The following TEX36 variants were observed in gnomAD, a reference collection of about 807,000 sequenced individuals.
TEX36 encodes the protein testis-expressed protein 36.
In TEX36, 12 loss-of-function variants were observed where a neutral mutation model predicts 13.6. The observed-to-expected ratio is 0.88, with a 90% confidence interval of 0.56 to 1.43. The LOEUF (loss-of-function observed/expected upper bound fraction) is 1.43. Ranked by LOEUF, TEX36 falls within the 40% of genes most tolerant of loss-of-function variation. TEX36 has a pLI of 0.00. For synonymous variants in TEX36, 93 were observed against 83.0 expected, an observed-to-expected ratio of 1.12 and a Z score of -0.65; for missense variants, 224 against 228.3, an observed-to-expected ratio of 0.98 and a Z score of 0.12.
chr10:125,667,657 G>A (rs932782346), intron 1 of TEX36: 3 of 718,418 alleles, frequency 4.2e-6, no homozygotes, highest in East Asian at 2.5e-5. Context: ...CCTTGGACAT[G>A]ACAACTTGGG....
At chr10:125,650,954 T>C (rs191437120), downstream of TEX36, among the ~76,000 whole-genome samples, 1 of 152,184 alleles carries the variant, frequency 6.6e-6, no homozygotes, top group African/African-American at 2.4e-5. Flanking sequence ...CAAGAAGAAG[T>C]TGAATCCCTG....
At chr10:125,606,915 G>A (rs551123315) in intron 3 of TEX36, among the ~76,000 whole-genome samples, 2 of 152,290 alleles carry the variant, frequency 1.3e-5, no homozygotes, top group East Asian at 3.9e-4. Flanking sequence ...TGCAAGGATA[G>A]TATCACATTT....
chr10:125,625,140 G>T (rs1364745283), intron 3 of TEX36, among the ~76,000 whole-genome samples: 1 of 152,182 alleles, frequency 6.6e-6, no homozygotes, highest in Non-Finnish European at 1.5e-5. Context: ...CCATCACTCA[G>T]CTTTTCTCAG....
chr10:125,602,240 C>T (rs1846158335), intron 3 of TEX36, among the ~76,000 whole-genome samples: 1 of 152,166 alleles, frequency 6.6e-6, no homozygotes. Context: ...GGCCTAGCAC[C>T]CATCTCCTGG....
chr10:125,682,922 G>A lies in TEX36; in HGVS notation c.51+17C>T. 6.4e-7 allele frequency: 1 copy of A among 1,551,728 alleles called. No individual in the cohort carries two copies. Among genetic ancestry groups the A allele is most frequent in the Non-Finnish European group, 8.7e-7 (1 of 1,146,992 alleles). On this transcript the variant is annotated intron_variant, in intron 1 of 3. Coordinates refer to ENST00000368821, the MANE Select transcript of TEX36 (RefSeq NM_001128202.3). Reference sequence around the variant, plus strand: ...ACGTGGCATGAGAAAGGCACCAGGGGCCACCATCTTCCTTACCCATCTCCC... The same window carrying A: ...ACGTGGCATGAGAAAGGCACCAGGGACCACCATCTTCCTTACCCATCTCCC...
intron 3 of TEX36, among the ~76,000 whole-genome samples, chr10:125,632,032 G>T (rs1378159116): frequency 6.6e-6 from 1 of 152,124 alleles, no homozygotes; most frequent in Non-Finnish European, 1.5e-5. Flanking sequence ...AAGTGAGGGG[G>T]ATCTGGGGCA....
rs146996037 is a variant in TEX36 at position 125,662,764 on chromosome 10, G to A, written c.52-787C>T. 1.8e-4 allele frequency among the ~76,000 whole-genome samples: 27 copies of A among 152,262 alleles called. No homozygotes were observed. The East Asian group carries it at 4.4e-3, about 25-fold the overall frequency. On this transcript the variant is annotated intron_variant, in intron 1 of 3. Coordinates refer to ENST00000368821, the MANE Select transcript of TEX36 (RefSeq NM_001128202.3). The stretch of plus-strand genomic sequence containing the variant: ...CTGAGCTACCCCCAGAAGAAGGCGT[G>A]ACCCTAGGGAGGCAGCTCTCTTCAG...
intron 1 of TEX36, among the ~76,000 whole-genome samples, chr10:125,668,310 A>ATG (rs1847161203): frequency 6.9e-6 from 1 of 145,274 alleles, no homozygotes; most frequent in African/African-American, 2.5e-5. Flanking sequence ...TTGTTGGGAG[A>ATG]TTTTTTTTTT....
At chr10:125,616,933 G>A (rs1394132677), downstream of TEX36, among the ~76,000 whole-genome samples, 1 of 152,006 alleles carries the variant, frequency 6.6e-6, no homozygotes, top group African/African-American at 2.4e-5. Context: ...TCTCTTTGTA[G>A]GTCTCTAAGG....
At chr10:125,634,490 C>T (rs528525657) in intron 3 of TEX36, among the ~76,000 whole-genome samples, 1 of 152,124 alleles carries the variant, frequency 6.6e-6, no homozygotes, top group Non-Finnish European at 1.5e-5. Flanking sequence ...TCTGCTTAGT[C>T]CAGAGCAAAC....
rs77529954 is a variant in TEX36 at position 125,638,437 on chromosome 10, C to T, written c.265-16792G>A. Among the ~76,000 whole-genome samples, 937 of 152,282 alleles carry T rather than the reference C, an allele frequency of 6.2e-3. 3 individuals are homozygous for T. The highest frequency in any genetic ancestry group is 0.011 in the Non-Finnish European group (717 of 68,024). ...GCAGTGAGAGAAGGTCTCAGCTCAA[C>T]GCTGAAGCTGGAGAGGGAAAAGAAA... On this transcript the variant is annotated intron_variant, in intron 3 of 3. Coordinates refer to the TEX36 transcript ENST00000526819.
At chr10:125,583,294 T>G (rs559444546) in intron 3 of TEX36, among the ~76,000 whole-genome samples, 139 of 152,204 alleles carry the variant, frequency 9.1e-4, no homozygotes, top group African/African-American at 3.3e-3. Flanking sequence ...CAACAGAAAT[T>G]TATTTCTCAC....
chr10:125,645,863 C>T (rs1388429855), intron 3 of TEX36, among the ~76,000 whole-genome samples: 1 of 151,990 alleles, frequency 6.6e-6, no homozygotes, highest in Admixed American at 6.6e-5. Flanking sequence ...GAAACAGTGA[C>T]AGAAATTGAC....
chr10:125,614,667 C>A (rs61873470), intron 3 of TEX36, among the ~76,000 whole-genome samples: 6,984 of 152,140 alleles, frequency 0.046, 177 homozygotes, highest in East Asian at 0.084. Flanking sequence ...CAGTACCATG[C>A]TGTTTTGGTT....
chr10:125,581,118 T>C (rs1845876287), intron 3 of TEX36, among the ~76,000 whole-genome samples: 1 of 152,068 alleles, frequency 6.6e-6, no homozygotes, highest in African/African-American at 2.4e-5. Context: ...TTCCCTCCCA[T>C]CTCAAGTCCC....
chr10:125,641,520 A>C (rs1219251107), intron 3 of TEX36, among the ~76,000 whole-genome samples: 1 of 152,254 alleles, frequency 6.6e-6, no homozygotes, highest in Non-Finnish European at 1.5e-5. Flanking sequence ...TAGAATGGGT[A>C]CTAGACAGCC....
intron 3 of TEX36, among the ~76,000 whole-genome samples, chr10:125,579,692 G>T (rs1845862903): frequency 6.6e-6 from 1 of 152,110 alleles, no homozygotes; most frequent in South Asian, 2.1e-4. Context: ...CTTTTCTCAT[G>T]ATAGTGAGTG....
At chr10:125,601,593 C>A (rs1461385647) in intron 3 of TEX36, among the ~76,000 whole-genome samples, 1 of 152,246 alleles carries the variant, frequency 6.6e-6, no homozygotes, top group African/African-American at 2.4e-5. Context: ...TGGTGCTCAC[C>A]AGCTTGCCAG....
At chr10:125,584,218 C>A (rs949454866) in intron 3 of TEX36, among the ~76,000 whole-genome samples, 1 of 152,238 alleles carries the variant, frequency 6.6e-6, no homozygotes, top group African/African-American at 2.4e-5. Flanking sequence ...CCAGGCAAGA[C>A]CAGCAGAATC....
Sources: allele counts gnomAD v4.1 joint callset (sites outside exome capture counted in the v4.1 genomes callset), GRCh38; gene constraint gnomAD v4.1.1; transcripts MANE v1.5; gene names NCBI Gene and HGNC (gene_info 2026-07-23, HGNC 2026-07-21).